Variants in HPSE2 observed in about 807,000 individuals in gnomAD.
The protein encoded by HPSE2 is inactive heparanase-2.
Under a neutral mutation model 60.5 loss-of-function variants are expected in HPSE2, and 38 were observed. The observed-to-expected ratio is 0.63, with a 90% CI of 0.48 to 0.82. The LOEUF is 0.82. Ranked by LOEUF, HPSE2 falls within the 40% of genes least tolerant of loss-of-function variation. HPSE2 has a pLI of 0.00. For synonymous variants in HPSE2, 295 were observed against 293.2 expected (o/e 1.01, Z -0.06); for missense variants, 713 against 740.4 (o/e 0.96, Z 0.43).
At chr10:98,817,709 C>T (rs750163077) in intron 3 of HPSE2, among the ~76,000 whole-genome samples, 15 of 152,148 alleles carry the variant, frequency 9.9e-5, no homozygotes, top group Non-Finnish European at 1.8e-4. Context: ...CCTTGATTCC[C>T]GTTTCTGTTA....
At chr10:99,148,746 C>T (rs1001157156) in intron 2 of HPSE2, among the ~76,000 whole-genome samples, 6 of 152,048 alleles carry the variant, frequency 3.9e-5, no homozygotes, top group Admixed American at 1.3e-4. Context: ...GCCAAGATCG[C>T]GCCATTGCAC....
rs559663297 is a variant in HPSE2, at chr10:99,022,356, C to T, written c.610+121882G>A. Among the ~76,000 whole-genome samples, 114 of 152,240 alleles carry T rather than the reference C, an allele frequency of 7.5e-4. 1 individual carries two copies. The highest frequency in any genetic ancestry group is 3.4e-3 in the Middle Eastern group (1 of 294). On this transcript the variant is annotated intron_variant, in intron 3 of 11. Coordinates refer to ENST00000370552, the MANE Select transcript of HPSE2 (RefSeq NM_021828.5). The stretch of plus-strand genomic sequence containing the variant: ...CCAGCTGTCTGAACTTGAGTGCCTG[C>T]AAACCTTGCCAGGGAGGGCTACAGC...
chr10:99,167,881 GTCTCTC>G (rs147629381), intron 2 of HPSE2, among the ~76,000 whole-genome samples: 3 of 148,328 alleles, frequency 2.0e-5, no homozygotes, highest in South Asian at 2.1e-4. Flanking sequence ...AACACATTTT[GTCTCTC>G]TCTCTCTCTC....
At chr10:99,227,916 C>T (rs888442090) in intron 2 of HPSE2, among the ~76,000 whole-genome samples, 29 of 138,636 alleles carry the variant, frequency 2.1e-4, no homozygotes, top group African/African-American at 6.5e-4. Flanking sequence ...TATATATATA[C>T]ATAAAATTAA....
intron 3 of HPSE2, among the ~76,000 whole-genome samples, chr10:98,817,750 A>G (rs1241085098): frequency 1.3e-5 from 2 of 152,204 alleles, no homozygotes; most frequent in Admixed American, 6.5e-5. Flanking sequence ...TTCAAGCTCC[A>G]TCGGAATAAT....
At chr10:99,257,716 T>G in the HPSE2 span, among the ~76,000 whole-genome samples, 1 of 152,174 alleles carries the variant, frequency 6.6e-6, no homozygotes, top group East Asian at 1.9e-4. Flanking sequence ...TATTACCTTG[T>G]GAAGTATGTG....
At chr10:98,477,028 C>T (rs1295886528) in intron 11 of HPSE2, among the ~76,000 whole-genome samples, 1 of 152,082 alleles carries the variant, frequency 6.6e-6, no homozygotes, top group African/African-American at 2.4e-5. Context: ...TGTTGTAGCA[C>T]ATTGTTGAAA....
chr10:98,626,212 G>C (rs1387126135), intron 7 of HPSE2, among the ~76,000 whole-genome samples: 1 of 152,096 alleles, frequency 6.6e-6, no homozygotes, highest in East Asian at 1.9e-4. Context: ...TCATGGAGGT[G>C]GGGGGTTAAA....
chr10:99,253,017 G>A, the HPSE2 span, among the ~76,000 whole-genome samples: 3 of 152,056 alleles, frequency 2.0e-5, no homozygotes, highest in South Asian at 6.2e-4. Context: ...CCATGTTCAT[G>A]GATTGGAAGA....
intron 9 of HPSE2, among the ~76,000 whole-genome samples, chr10:98,556,056 C>T (rs116897135): frequency 2.8e-4 from 42 of 152,168 alleles, no homozygotes; most frequent in Admixed American, 6.5e-4. Context: ...TATTAAACTC[C>T]GACTTTTATT....
intron 3 of HPSE2, among the ~76,000 whole-genome samples, chr10:98,872,757 AC>A: frequency 6.6e-6 from 1 of 152,112 alleles, no homozygotes; most frequent in East Asian, 1.9e-4. Flanking sequence ...TAAGAAAACT[AC>A]AGCAAGTTCT....
intron 6 of HPSE2, among the ~76,000 whole-genome samples, chr10:98,670,288 T>C (rs1338653006): frequency 6.6e-6 from 1 of 152,110 alleles, no homozygotes; most frequent in Non-Finnish European, 1.5e-5. Context: ...TAGTTGCTTA[T>C]TGGAATAGGG....
chr10:98,890,920 A>G (rs1036903449), intron 3 of HPSE2, among the ~76,000 whole-genome samples: 1 of 152,236 alleles, frequency 6.6e-6, no homozygotes, highest in African/African-American at 2.4e-5. Context: ...TTAACTAATA[A>G]AAATATAGTA....
At chr10:99,260,163 G>A in the HPSE2 span, among the ~76,000 whole-genome samples, 2 of 151,946 alleles carry the variant, frequency 1.3e-5, no homozygotes, top group Admixed American at 1.3e-4. Flanking sequence ...AAAGCCCACA[G>A]ATGTGCCTAT....
intron 3 of HPSE2, among the ~76,000 whole-genome samples, chr10:98,895,372 G>A (rs1442936577): frequency 1.3e-5 from 2 of 152,136 alleles, no homozygotes; most frequent in Non-Finnish European, 2.9e-5. Context: ...TATGATCACA[G>A]TAGAATAAAT....
chr10:98,571,816 A>G (rs2133899150), intron 9 of HPSE2, among the ~76,000 whole-genome samples: 1 of 152,244 alleles, frequency 6.6e-6, no homozygotes, highest in East Asian at 1.9e-4. Context: ...AGCCTGATTC[A>G]TTTCAGGCAC....
chr10:98,814,245 C>A (rs1307574215), intron 3 of HPSE2, among the ~76,000 whole-genome samples: 1 of 149,616 alleles, frequency 6.7e-6, no homozygotes, highest in Non-Finnish European at 1.5e-5. Context: ...ATTTTATTTT[C>A]CAGTTATTTG....
At chr10:99,307,830 G>GCACACA in the HPSE2 span, among the ~76,000 whole-genome samples, 4,477 of 141,012 alleles carry the variant, frequency 0.032, 226 homozygotes, top group African/African-American at 0.1. Context: ...CCTAGTAAAT[G>GCACACA]CGCACACACA....
At position 99,223,890 on chromosome 10, in the gene HPSE2, C is replaced by T; in HGVS notation, c.448+8458G>A. 1.3e-5 allele frequency among the ~76,000 whole-genome samples: 2 copies of T among 151,996 alleles called. 1 individual carries two copies. The stretch of plus-strand genomic sequence containing the variant: ...AAAGATGGAATTTGAGCAGAGCTTT[C>T]AAGAACAGGTAAAATTTTCAATTTC... On this transcript the variant is annotated intron_variant, in intron 2 of 11. Transcript: ENST00000370552.
Sources: allele counts gnomAD v4.1 joint callset (sites outside exome capture counted in the v4.1 genomes callset), GRCh38; gene constraint gnomAD v4.1.1; transcripts MANE v1.5; gene names NCBI Gene and HGNC (gene_info 2026-07-23, HGNC 2026-07-21).